Variants in EPB41L4A observed in about 807,000 individuals in gnomAD.
EPB41L4A encodes the protein band 4.1-like protein 4A.
In EPB41L4A, 100 loss-of-function variants were observed where a neutral mutation model predicts 108.6. The observed-to-expected ratio is 0.92, with a 90% CI of 0.78 to 1.09. The LOEUF is 1.09. Ranked by LOEUF, EPB41L4A falls within the 50% of genes least tolerant of loss-of-function variation. EPB41L4A has a pLI of 0.00. For missense variants in EPB41L4A, 1,030 were observed against 842.7 expected (o/e 1.22, Z -2.75); for synonymous variants, 319 against 289.0 (o/e 1.10, Z -1.05).
At chr5:112,361,040 AC>A (rs1468430219) in intron 1 of EPB41L4A, among the ~76,000 whole-genome samples, 1 of 152,188 alleles carries the variant, frequency 6.6e-6, no homozygotes, top group African/African-American at 2.4e-5. Context: ...CTCATTGAGA[AC>A]GGGCCATGAT....
intron 1 of EPB41L4A, among the ~76,000 whole-genome samples, chr5:112,374,949 T>C (rs1759717827): frequency 6.6e-6 from 1 of 152,184 alleles, no homozygotes; most frequent in Non-Finnish European, 1.5e-5. Context: ...ATGTTCAACA[T>C]TCAGGTTCTC....
intron 12 of EPB41L4A, among the ~76,000 whole-genome samples, chr5:112,157,476 C>A (rs2112824909): frequency 6.6e-6 from 1 of 152,336 alleles, no homozygotes; most frequent in East Asian, 1.9e-4. Context: ...TGGCTTAAAA[C>A]AACATACATT....
intron 2 of EPB41L4A, among the ~76,000 whole-genome samples, chr5:112,300,810 C>T (rs1421424866): frequency 6.6e-6 from 1 of 152,126 alleles, no homozygotes; most frequent in African/African-American, 2.4e-5. Flanking sequence ...TTAATGTAAT[C>T]TCACATTTCT....
chr5:112,252,662 A>G (rs1750768100), intron 9 of EPB41L4A, among the ~76,000 whole-genome samples: 1 of 152,230 alleles, frequency 6.6e-6, no homozygotes, highest in Non-Finnish European at 1.5e-5. Flanking sequence ...ACACATGAAC[A>G]TGAAGATGGA....
At chr5:112,142,140 C>A (rs1313721732), downstream of EPB41L4A, among the ~76,000 whole-genome samples, 8 of 152,184 alleles carry the variant, frequency 5.3e-5, no homozygotes, top group Non-Finnish European at 1.0e-4. Flanking sequence ...CTGGGATATG[C>A]ACAGAGCCTT....
intron 1 of EPB41L4A, among the ~76,000 whole-genome samples, chr5:112,352,086 CT>C (rs1758078680): frequency 6.6e-6 from 1 of 152,068 alleles, no homozygotes; most frequent in East Asian, 1.9e-4. Context: ...AAAAAAAACA[CT>C]TTCTCATTTC....
At chr5:112,347,837 G>T (rs748955138) in intron 1 of EPB41L4A, among the ~76,000 whole-genome samples, 1 of 152,034 alleles carries the variant, frequency 6.6e-6, no homozygotes, top group African/African-American at 2.4e-5. Context: ...ACCACTCTCC[G>T]GTCCAGCTAC....
intron 12 of EPB41L4A, among the ~76,000 whole-genome samples, chr5:112,226,416 CTT>C (rs1485880942): frequency 1.3e-5 from 2 of 152,192 alleles, no homozygotes; most frequent in African/African-American, 4.8e-5. Flanking sequence ...TCAGCTTTGC[CTT>C]TTCTTTGTCT....
intron 1 of EPB41L4A, among the ~76,000 whole-genome samples, chr5:112,353,522 T>G (rs1233535968): frequency 6.7e-6 from 1 of 148,376 alleles, no homozygotes; most frequent in Non-Finnish European, 1.5e-5. Context: ...CACAGGTAGG[T>G]GGGTAGCGTT....
At chr5:112,377,385 C>A (rs1475142686) in intron 1 of EPB41L4A, among the ~76,000 whole-genome samples, 3 of 152,072 alleles carry the variant, frequency 2.0e-5, no homozygotes, top group Non-Finnish European at 4.4e-5. Context: ...TGTATGGTTT[C>A]TTAAAATGGC....
intron 1 of EPB41L4A, among the ~76,000 whole-genome samples, chr5:112,335,425 A>G (rs1756853325): frequency 6.6e-6 from 1 of 152,208 alleles, no homozygotes; most frequent in African/African-American, 2.4e-5. Flanking sequence ...TACCAGATCT[A>G]TATAGTTTAA....
At chr5:112,350,097 G>C (rs143829099) in intron 1 of EPB41L4A, among the ~76,000 whole-genome samples, 294 of 152,242 alleles carry the variant, frequency 1.9e-3, no homozygotes, top group African/African-American at 6.7e-3. Flanking sequence ...TGTCTACAGA[G>C]TACTTGAAAA....
intron 18 of EPB41L4A, among the ~76,000 whole-genome samples, chr5:112,172,931 G>A (rs1397753858): frequency 4.6e-5 from 7 of 152,170 alleles, no homozygotes. Context: ...AGGCTGTCCT[G>A]TGCATTGTAG....
chr5:112,358,049 C>T (rs1183355622), intron 1 of EPB41L4A, among the ~76,000 whole-genome samples: 1 of 152,116 alleles, frequency 6.6e-6, no homozygotes, highest in Admixed American at 6.5e-5. Context: ...CAAAGGACTT[C>T]TTCTCATGAA....
intron 1 of EPB41L4A, among the ~76,000 whole-genome samples, chr5:112,326,247 G>C (rs1164649845): frequency 6.6e-6 from 1 of 151,974 alleles, no homozygotes; most frequent in East Asian, 1.9e-4. Context: ...CCAGGATCAG[G>C]TGGAGGGTCG....
chr5:112,260,700 A>G (rs1290884669), intron 7 of EPB41L4A, among the ~76,000 whole-genome samples: 1 of 152,242 alleles, frequency 6.6e-6, no homozygotes, highest in African/African-American at 2.4e-5. Context: ...TAATAAATCC[A>G]AATTTTAAAA....
intron 1 of EPB41L4A, among the ~76,000 whole-genome samples, chr5:112,343,127 G>A (rs1264493882): frequency 6.6e-6 from 1 of 152,132 alleles, no homozygotes; most frequent in Non-Finnish European, 1.5e-5. Context: ...TTCCATAACA[G>A]TTTTTTACAT....
intron 9 of EPB41L4A, among the ~76,000 whole-genome samples, chr5:112,244,927 G>GT (rs1317965097): frequency 6.6e-6 from 1 of 151,940 alleles, no homozygotes; most frequent in Non-Finnish European, 1.5e-5. Context: ...TCATTATAAC[G>GT]TATGTAATAA....
intron 13 of EPB41L4A, among the ~76,000 whole-genome samples, chr5:112,208,466 T>C (rs1467677271): frequency 6.6e-6 from 1 of 152,008 alleles, no homozygotes; most frequent in Non-Finnish European, 1.5e-5. Context: ...CTAAGTTAAT[T>C]AACACAGAAA....
Sources: allele counts gnomAD v4.1 joint callset (sites outside exome capture counted in the v4.1 genomes callset), GRCh38; gene constraint gnomAD v4.1.1; transcripts MANE v1.5; gene names NCBI Gene and HGNC (gene_info 2026-07-23, HGNC 2026-07-21).